RHPN2: variants seen among roughly 807,000 people sequenced by gnomAD.
RHPN2 encodes the protein rhophilin-2.
In RHPN2, 40 loss-of-function variants were observed where a neutral mutation model predicts 79.0. The observed-to-expected ratio is 0.51, with a 90% CI of 0.39 to 0.66. RHPN2 has a LOEUF of 0.66. Among genes scored for constraint, RHPN2 ranks in the 30% least tolerant of loss-of-function variants. RHPN2 has a pLI of 0.00. For synonymous variants in RHPN2, 285 were observed against 363.5 expected (o/e 0.78, Z 2.46); for missense variants, 686 against 883.5 (o/e 0.78, Z 2.83).
intron 14 of RHPN2, among the ~76,000 whole-genome samples, chr19:32,982,432 T>A (rs1420377560): frequency 1.3e-5 from 2 of 151,650 alleles, no homozygotes; most frequent in Non-Finnish European, 2.9e-5. Flanking sequence ...AATAAATAAA[T>A]AAATAAAATA....
At chr19:33,019,031 C>CAAA (rs71301619) in intron 4 of RHPN2, among the ~76,000 whole-genome samples, 4 of 105,368 alleles carry the variant, frequency 3.8e-5, no homozygotes, top group African/African-American at 6.0e-5. Flanking sequence ...AACTCCAGCT[C>CAAA]AAAAAAAAAA....
intron 1 of RHPN2, among the ~76,000 whole-genome samples, chr19:33,053,147 T>TTGTTC (rs1390498538): frequency 7.0e-6 from 1 of 142,298 alleles, no homozygotes; most frequent in East Asian, 2.0e-4. Flanking sequence ...AATTTTTGTT[T>TTGTTC]TGTTTTGTTT....
At chr19:33,027,736 T>A (rs942719240) in intron 2 of RHPN2, among the ~76,000 whole-genome samples, 8 of 151,882 alleles carry the variant, frequency 5.3e-5, no homozygotes, top group African/African-American at 1.9e-4. Flanking sequence ...ATATAATATA[T>A]TAACAGAATA....
At chr19:32,983,238 C>T (rs185284503) in intron 14 of RHPN2, among the ~76,000 whole-genome samples, 207 of 152,030 alleles carry the variant, frequency 1.4e-3, no homozygotes, top group Admixed American at 2.2e-3. Flanking sequence ...CTTGGCGGGG[C>T]GTGGTGGCTC....
intron 6 of RHPN2, among the ~76,000 whole-genome samples, chr19:33,010,768 G>A (rs1293554820): frequency 2.7e-5 from 4 of 149,844 alleles, no homozygotes; most frequent in Non-Finnish European, 5.9e-5. Flanking sequence ...TGCAACCTCC[G>A]CCTCCCGGGC....
intron 4 of RHPN2, among the ~76,000 whole-genome samples, chr19:33,019,866 T>C (rs10409831): frequency 0.31 from 46,616 of 152,082 alleles, 8,461 homozygotes; most frequent in African/African-American, 0.49. Context: ...CTGGGCTGCA[T>C]GGCGCAAACT....
At position 32,990,657 on chromosome 19, in the gene RHPN2, G is replaced by A. The variant is rs183236318; in HGVS notation, c.1657C>T (p.Arg553Trp). ...PYCSASVAGA[R>W]EGDYIVSIQL... ...ATGGAGACAATATAATCTCCTTCCC[G>A]GGCTCCTGCCACCTGAAAAAGTATT... Residue 553 changes from arginine to tryptophan, a missense_variant, in exon 14 of 15, where the codon CGG becomes TGG. Physicochemically the swap from Arg to Trp is moderately radical, Grantham distance 101 (BLOSUM62 -3). Coordinates refer to ENST00000254260, the MANE Select transcript of RHPN2 (RefSeq NM_033103.5). The A allele has an allele frequency of 5.3e-5, 86 of 1,613,858 alleles. No homozygotes were observed. Among genetic ancestry groups the A allele is most frequent in the Admixed American group, 2.5e-4 (15 of 59,992 alleles).
At chr19:33,021,069 T>C (rs1971920251) in intron 4 of RHPN2, among the ~76,000 whole-genome samples, 2 of 152,092 alleles carry the variant, frequency 1.3e-5, no homozygotes, top group Non-Finnish European at 2.9e-5. Context: ...AAATACACTA[T>C]TAATAAAAGA....
At chr19:32,985,098 A>G (rs1971604389) in intron 14 of RHPN2, among the ~76,000 whole-genome samples, 1 of 151,824 alleles carries the variant, frequency 6.6e-6, no homozygotes, top group Non-Finnish European at 1.5e-5. Flanking sequence ...TCCTGGGTTC[A>G]AGCAATTCTC....
intron 3 of RHPN2, among the ~76,000 whole-genome samples, chr19:33,025,441 C>T (rs1971958187): frequency 1.3e-5 from 2 of 151,762 alleles, no homozygotes; most frequent in South Asian, 4.2e-4. Context: ...GAGATCGCTC[C>T]ACTGCACTCC....
At chr19:33,014,522 T>A (rs189655118) in intron 4 of RHPN2, among the ~76,000 whole-genome samples, 119 of 152,120 alleles carry the variant, frequency 7.8e-4, no homozygotes, top group Middle Eastern at 3.4e-3. Context: ...CCTAGGCTGG[T>A]CTCGGACTCC....
intron 12 of RHPN2, among the ~76,000 whole-genome samples, chr19:32,992,718 G>C (rs1226790705): frequency 6.6e-6 from 1 of 151,772 alleles, no homozygotes. Flanking sequence ...TGCTGAGGCA[G>C]GAGGACTTCT....
intron 2 of RHPN2, among the ~76,000 whole-genome samples, chr19:33,032,727 AGGATT>A (rs200268637): frequency 0.094 from 14,258 of 152,152 alleles, 836 homozygotes; most frequent in African/African-American, 0.16. Flanking sequence ...AATGTTCACA[AGGATT>A]GGGGTGGGGG....
intron 1 of RHPN2, among the ~76,000 whole-genome samples, chr19:33,054,352 C>T (rs1228358542): frequency 6.6e-6 from 1 of 151,894 alleles, no homozygotes; most frequent in Non-Finnish European, 1.5e-5. Context: ...AGGCACGCAG[C>T]ACCACACCCG....
intron 11 of RHPN2, among the ~76,000 whole-genome samples, 164 bp from the exon 12 acceptor site, chr19:32,994,217 G>A (rs1971683064): frequency 6.6e-6 from 1 of 152,042 alleles, no homozygotes; most frequent in South Asian, 2.1e-4. Flanking sequence ...CCAGCATGGT[G>A]AAACCCCATC....
intron 1 of RHPN2, 31 bp from the exon 2 acceptor site, chr19:33,044,395 G>T (rs753121291): frequency 5.6e-6 from 8 of 1,421,972 alleles, no homozygotes; most frequent in Non-Finnish European, 7.0e-6. Flanking sequence ...CCCCTTCAGA[G>T]GTCGGCCACT....
In RHPN2 at chr19:32,996,229, G is replaced by A. The variant is rs373565506; in HGVS notation, c.1226-9C>T. ...GCGCAAGTGGGACTTCCCTGCAGACGGAAGCCAGCACCCACGTGACTTGCA... is the reference window on the plus strand; with the variant it reads ...GCGCAAGTGGGACTTCCCTGCAGACAGAAGCCAGCACCCACGTGACTTGCA... On this transcript the variant is annotated splice_polypyrimidine_tract_variant and intron_variant, in intron 10 of 14. Transcript: ENST00000254260. 37 of 1,613,940 alleles carry A rather than the reference G, an allele frequency of 2.3e-5. No individual in the cohort carries two copies. Among genetic ancestry groups the A allele is most frequent in the South Asian group, 3.3e-5 (3 of 91,088 alleles).
intron 11 of RHPN2, among the ~76,000 whole-genome samples, chr19:32,994,377 CAG>C (rs1971684282): frequency 7.3e-6 from 1 of 136,996 alleles, no homozygotes. Flanking sequence ...GCCTGGGTGA[CAG>C]AGTCAGACTC....
intron 2 of RHPN2, among the ~76,000 whole-genome samples, chr19:33,036,620 C>T (rs181922001): frequency 0.012 from 1,836 of 152,338 alleles, 20 homozygotes; most frequent in Non-Finnish European, 0.018. Context: ...GCTCCCTCAG[C>T]TTCTGGGGAA....
Sources: gnomAD v4.1 joint callset for allele counts (sites outside exome capture counted in the v4.1 genomes callset) on GRCh38, gnomAD v4.1.1 for gene constraint, MANE v1.5 for transcripts, NCBI Gene and HGNC (gene_info 2026-07-23, HGNC 2026-07-21) for gene names.